The following DLGAP4 variants were observed in gnomAD, a reference collection of about 807,000 sequenced individuals.
The protein encoded by DLGAP4 is disks large-associated protein 4.
Under a neutral mutation model 86.9 loss-of-function variants are expected in DLGAP4, and 18 were observed. That is an observed-to-expected ratio of 0.21 (90% CI 0.14 to 0.31). DLGAP4 has a LOEUF of 0.31. Ranked by LOEUF, DLGAP4 falls within the 10% of genes least tolerant of loss-of-function variation. The pLI, the probability that DLGAP4 is intolerant of heterozygous loss-of-function variation, is 1.00. For missense variants in DLGAP4, 1,085 were observed against 1,362.6 expected (o/e 0.80, Z 3.21); for synonymous variants, 548 against 574.3 (o/e 0.95, Z 0.65).
rs149563237 is a variant in DLGAP4, at chr20:36,331,326, C to T, written c.-304+24814C>T. On this transcript the variant is annotated intron_variant, in intron 1 of 12. Transcript: ENST00000339266. ...AACTTGGGGTCAGGTGCCCAGCCACCGGGAGGCCCATCTCCGGCATCCCCA... is the reference window on the plus strand; with the variant it reads ...AACTTGGGGTCAGGTGCCCAGCCACTGGGAGGCCCATCTCCGGCATCCCCA... Among the ~76,000 whole-genome samples, 105 of 152,368 alleles carry T rather than the reference C, an allele frequency of 6.9e-4. No homozygotes were observed. The East Asian group carries it at 0.013, about 18-fold the overall frequency.
chr20:36,469,449 G>A (rs537427968), intron 7 of DLGAP4, among the ~76,000 whole-genome samples: 3 of 152,174 alleles, frequency 2.0e-5, no homozygotes, highest in African/African-American at 7.2e-5. Flanking sequence ...TCTGCAAACC[G>A]AACTTCAAAA....
At chr20:36,486,756 C>G (rs1242025544) in intron 7 of DLGAP4, among the ~76,000 whole-genome samples, 1 of 152,100 alleles carries the variant, frequency 6.6e-6, no homozygotes, top group Non-Finnish European at 1.5e-5. Flanking sequence ...GATTACAGGC[C>G]TGCGCCACCA....
chr20:36,322,570 C>T (rs2065179348), intron 1 of DLGAP4, among the ~76,000 whole-genome samples: 1 of 152,060 alleles, frequency 6.6e-6, no homozygotes, highest in South Asian at 2.1e-4. Flanking sequence ...TAATAAAGTG[C>T]GTAGGACAGC....
intron 10 of DLGAP4, among the ~76,000 whole-genome samples, chr20:36,520,496 C>A (rs1453244311): frequency 6.6e-6 from 1 of 152,006 alleles, no homozygotes; most frequent in African/African-American, 2.4e-5. Flanking sequence ...AATAGGCATG[C>A]GTCACCAGCC....
At chr20:36,326,884 T>C (rs934579766) in intron 1 of DLGAP4, among the ~76,000 whole-genome samples, 3 of 152,176 alleles carry the variant, frequency 2.0e-5, no homozygotes, top group African/African-American at 7.2e-5. Flanking sequence ...TTAAAGTTGT[T>C]CCACTGTCTT....
intron 2 of DLGAP4, among the ~76,000 whole-genome samples, chr20:36,420,500 C>T (rs2032791848): frequency 6.6e-6 from 1 of 152,042 alleles, no homozygotes; most frequent in African/African-American, 2.4e-5. Flanking sequence ...GAATGAAGAC[C>T]CAAGGGAAGA....
chr20:36,509,725 G>A (rs1306835475), intron 10 of DLGAP4, among the ~76,000 whole-genome samples: 2 of 152,030 alleles, frequency 1.3e-5, no homozygotes, highest in East Asian at 3.9e-4. Context: ...ACTGCAGCCT[G>A]GACAACAGAG....
chr20:36,422,076 C>T (rs966725611), intron 2 of DLGAP4, among the ~76,000 whole-genome samples: 1 of 152,128 alleles, frequency 6.6e-6, no homozygotes, highest in African/African-American at 2.4e-5. Context: ...CCCAAAGACA[C>T]AGCCATGGCG....
intron 7 of DLGAP4, 81 bp downstream of exon 7, chr20:36,447,018 G>A (rs2147578807): frequency 4.0e-6 from 6 of 1,512,208 alleles, no homozygotes; most frequent in East Asian, 2.3e-5. Flanking sequence ...CAGCCTGGGA[G>A]GATACAGGGA....
intron 1 of DLGAP4, among the ~76,000 whole-genome samples, chr20:36,329,553 CA>C (rs1555891318): frequency 6.6e-6 from 1 of 152,152 alleles, no homozygotes; most frequent in East Asian, 1.9e-4. Context: ...TGGCCTCCAC[CA>C]AGCTTTTGGT....
chr20:36,320,709 C>T (rs1463851816), intron 1 of DLGAP4, among the ~76,000 whole-genome samples: 3 of 152,150 alleles, frequency 2.0e-5, no homozygotes, highest in Non-Finnish European at 4.4e-5. Flanking sequence ...CCTTTGCCCA[C>T]CTGCCTGGGA....
At chr20:36,357,269 C>T (rs1357993197) in intron 1 of DLGAP4, among the ~76,000 whole-genome samples, 1 of 152,210 alleles carries the variant, frequency 6.6e-6, no homozygotes, top group Admixed American at 6.5e-5. Flanking sequence ...TGTCCCTCTT[C>T]CCGCCTTTTG....
intron 2 of DLGAP4, among the ~76,000 whole-genome samples, chr20:36,374,769 G>A (rs1289256495): frequency 6.6e-6 from 1 of 152,212 alleles, no homozygotes; most frequent in East Asian, 1.9e-4. Context: ...TCCAGAGATG[G>A]GGAGCTCACT....
At chr20:36,499,434 C>G (rs575883672) in intron 8 of DLGAP4, 154 bp from the exon 9 acceptor site, 5 of 1,398,756 alleles carry the variant, frequency 3.6e-6, no homozygotes, top group Non-Finnish European at 4.9e-6. Flanking sequence ...GGTCCGGCCT[C>G]GGGCCCACGT....
At chr20:36,310,180 AAAAGAAAG>A (rs1161085107) in intron 1 of DLGAP4, among the ~76,000 whole-genome samples, 6 of 124,164 alleles carry the variant, frequency 4.8e-5, no homozygotes, top group African/African-American at 1.5e-4. Context: ...CAAAAAAAAA[AAAAGAAAG>A]AAAGAAAGAA....
intron 10 of DLGAP4, among the ~76,000 whole-genome samples, chr20:36,512,311 A>G (rs1600690139): frequency 1.3e-5 from 2 of 151,846 alleles, no homozygotes; most frequent in East Asian, 1.9e-4. Context: ...CAGCCTCCCA[A>G]AGTGCTGGGA....
At chr20:36,436,815 C>CAA (rs556657516) in intron 4 of DLGAP4, among the ~76,000 whole-genome samples, 1 of 110,442 alleles carries the variant, frequency 9.1e-6, no homozygotes, top group Admixed American at 9.9e-5. Context: ...GACTCCGTCT[C>CAA]AAAAAAAAAA....
chr20:36,378,145 A>G (rs1474277653), intron 2 of DLGAP4, among the ~76,000 whole-genome samples: 1 of 152,112 alleles, frequency 6.6e-6, no homozygotes, highest in East Asian at 1.9e-4. Context: ...ACGCCAAGAC[A>G]CCTGGGTGTT....
chr20:36,405,532 G>A (rs1050158455), intron 2 of DLGAP4, among the ~76,000 whole-genome samples: 10 of 152,112 alleles, frequency 6.6e-5, no homozygotes, highest in Admixed American at 3.9e-4. Flanking sequence ...GGGGCGCCTC[G>A]GTGGGAGGGA....
Sources: gnomAD v4.1 joint callset for allele counts (sites outside exome capture counted in the v4.1 genomes callset) on GRCh38, gnomAD v4.1.1 for gene constraint, MANE v1.5 for transcripts, NCBI Gene and HGNC (gene_info 2026-07-23, HGNC 2026-07-21) for gene names.